Variants in STC2 observed in about 807,000 individuals in gnomAD.
The protein encoded by STC2 is stanniocalcin-2.
Under a neutral mutation model 22.7 loss-of-function variants are expected in STC2, and 7 were observed. The ratio of observed to expected loss-of-function variants is 0.31; its 90% CI spans 0.18 to 0.58. STC2 has a LOEUF of 0.58. Ranked by LOEUF, STC2 falls within the 20% of genes least tolerant of loss-of-function variation. STC2 has a pLI of 0.89. For synonymous variants in STC2, 158 were observed against 163.4 expected (o/e 0.97, Z 0.25); for missense variants, 336 against 406.2 (o/e 0.83, Z 1.48).
rs368971699 is a variant in STC2, at chr5:173,323,178, G to A, written c.506+41C>T. On this transcript the variant is annotated intron_variant, in intron 3 of 3. Coordinates refer to ENST00000265087, the MANE Select transcript of STC2 (RefSeq NM_003714.3). This position sits in a 1 kb window ranked among gnomAD's most constrained non-coding sequence, Gnocchi z 5.4. ...CCCATACACATTGCCATCCTTGCTG[G>A]GTGGCCCCTTCACCCAGGCCCTCTG... is the stretch of plus-strand genomic sequence containing the variant. 378 of 1,601,716 alleles carry A rather than the reference G, an allele frequency of 2.4e-4. No individual in the cohort carries two copies. The African/African-American group carries it at 4.5e-3, about 19-fold the overall frequency.
intron 3 of STC2, among the ~76,000 whole-genome samples, chr5:173,319,196 G>C (rs1561642891): frequency 6.6e-6 from 1 of 152,194 alleles, no homozygotes. Context: ...CCAGGGGGTG[G>C]ACAAGGTGTG....
At chr5:173,319,186 C>A (rs931926124) in intron 3 of STC2, among the ~76,000 whole-genome samples, 1 of 152,182 alleles carries the variant, frequency 6.6e-6, no homozygotes. Flanking sequence ...ATAATTTACT[C>A]CAGGGGGTGG....
chr5:173,326,000 C>G lies in STC2; in HGVS notation c.162G>C (p.Gln54His), dbSNP rs1237426438. Residue 54 changes from glutamine to histidine, a missense_variant, in exon 2 of 4, where the codon CAG becomes CAC. By Grantham distance (24) the Gln-to-His change is conservative. Around this residue, in one of 3 missense-constraint regions of STC2, gnomAD observed 99 missense variants for 122.7 expected, o/e 0.81. Transcript: ENST00000265087. This position sits in a 1 kb window ranked among gnomAD's most constrained non-coding sequence, Gnocchi z 4.7. ...RLSLQNTAEI[Q>H]HCLVNAGDVG... Reference sequence around the variant, plus strand: ...CATCGCCAGCGTTGACCAAACAGTGCTGGATCTCCGCTAAAAGGAAAATCA... The same window carrying G: ...CATCGCCAGCGTTGACCAAACAGTGGTGGATCTCCGCTAAAAGGAAAATCA... 3.1e-6 allele frequency: 5 copies of G among 1,614,132 alleles called. No individual in the cohort carries two copies. Among genetic ancestry groups the G allele is most frequent in the Non-Finnish European group, 3.4e-6 (4 of 1,179,996 alleles).
intron 1 of STC2, among the ~76,000 whole-genome samples, chr5:173,327,625 C>T (rs1031105594): frequency 2.0e-5 from 3 of 152,264 alleles, no homozygotes; most frequent in Non-Finnish European, 4.4e-5. Flanking sequence ...CTGAGGCCGG[C>T]AGGCCAGGAA....
chr5:173,322,146 C>T (rs1345643550), intron 3 of STC2, among the ~76,000 whole-genome samples: 1 of 152,136 alleles, frequency 6.6e-6, no homozygotes, highest in Admixed American at 6.5e-5. Context: ...AACTGAGGAT[C>T]AAGAGTTCAT....
At position 173,318,738 on chromosome 5, in the gene STC2, G is replaced by A. The variant is rs537282641; in HGVS notation, c.507-489C>T. On this transcript the variant is annotated intron_variant, in intron 3 of 3. Transcript: ENST00000265087. The stretch of plus-strand genomic sequence containing the variant: ...TGGTAGGGAAGAGGAAACCATGAAG[G>A]TTTAGGACCACGTGCCCTCTATGAG... Among the ~76,000 whole-genome samples, 4 of 152,284 alleles carry A rather than the reference G, an allele frequency of 2.6e-5. No individual in the cohort carries two copies. In the East Asian group the frequency reaches 7.7e-4, roughly 29 times the overall value.
At position 173,325,375 on chromosome 5, in the gene STC2, G is replaced by C. The variant is rs1446082219; in HGVS notation, c.294+493C>G. Among the ~76,000 whole-genome samples the C allele has an allele frequency of 1.3e-5, 2 of 152,208 alleles. No homozygotes were observed. Among genetic ancestry groups the C allele is most frequent in the Non-Finnish European group, 2.9e-5 (2 of 68,040 alleles). ...AGTGTGGAACTGAAGGACTCAATCA[G>C]GGTTTCGACCGGTCAGCTTGGGAGA... On this transcript the variant is annotated intron_variant, in intron 2 of 3. Coordinates refer to ENST00000265087, the MANE Select transcript of STC2 (RefSeq NM_003714.3). The surrounding 1 kb of genome is among the most constrained non-coding windows in gnomAD (Gnocchi z 4.7).
chr5:173,322,456 ATAAG>A, intron 3 of STC2, among the ~76,000 whole-genome samples: 1 of 152,374 alleles, frequency 6.6e-6, no homozygotes, highest in South Asian at 2.1e-4. Context: ...AAGTCTTGAA[ATAAG>A]TAAGTTCACA....
Position 173,328,300 on chromosome 5 carries a change from C to A in STC2, c.-107G>T. On this transcript the variant is annotated 5_prime_UTR_variant, in exon 1 of 4. In the 5' UTR this introduces an upstream ATG that the reference lacks. Coordinates refer to ENST00000265087, the MANE Select transcript of STC2 (RefSeq NM_003714.3). The stretch of plus-strand genomic sequence containing the variant: ...GCTTCCCCTCCTCCTCCCACTCTTC[C>A]TTTTTGCTCGCCTTTTCCCTCCTCC... The A allele has an allele frequency of 7.9e-7, 1 of 1,259,012 alleles. No homozygotes were observed. The highest frequency in any genetic ancestry group is 2.2e-5 in the South Asian group (1 of 44,980). 78.0% of individuals were successfully genotyped at this position (1,259,012 alleles called of 1,614,324 possible).
rs758506390 is a variant in STC2 at position 173,325,211 on chromosome 5, C to T, written c.294+657G>A. 1.1e-4 allele frequency among the ~76,000 whole-genome samples: 16 copies of T among 152,200 alleles called. No individual in the cohort carries two copies. Among genetic ancestry groups the T allele is most frequent in the Non-Finnish European group, 1.5e-4 (10 of 68,044 alleles). On this transcript the variant is annotated intron_variant, in intron 2 of 3. Transcript: ENST00000265087. The surrounding 1 kb of genome is among the most constrained non-coding windows in gnomAD (Gnocchi z 4.7). Reference sequence around the variant, plus strand: ...CACATGCCATCTAAAAATGTATTTGCGTTGTTGGCACTGGAGCCATATGTT... The same window carrying T: ...CACATGCCATCTAAAAATGTATTTGTGTTGTTGGCACTGGAGCCATATGTT...
At chr5:173,319,863 G>A (rs1361074875) in intron 3 of STC2, among the ~76,000 whole-genome samples, 1 of 152,178 alleles carries the variant, frequency 6.6e-6, no homozygotes, top group Non-Finnish European at 1.5e-5. Flanking sequence ...CATGGCCGCT[G>A]GGCAAAGGGC....
chr5:173,324,760 G>A (rs924803184), intron 2 of STC2, among the ~76,000 whole-genome samples: 2 of 152,240 alleles, frequency 1.3e-5, no homozygotes, highest in African/African-American at 4.8e-5. Flanking sequence ...ATTCTTCCCT[G>A]ACATCCTGTG....
rs1376966225 is a variant in STC2 at position 173,325,846 on chromosome 5, C to T, written c.294+22G>A. 3.1e-6 allele frequency: 5 copies of T among 1,613,938 alleles called. No individual in the cohort carries two copies. The highest frequency in any genetic ancestry group is 4.5e-5 in the East Asian group (2 of 44,880). ...ATGTATGCTCACCCCAAACATTCTT[C>T]ATGCTCTGGATGGATTTTTACCTGG... On this transcript the variant is annotated intron_variant, in intron 2 of 3. Transcript: ENST00000265087. This position sits in a 1 kb window ranked among gnomAD's most constrained non-coding sequence, Gnocchi z 4.7.
intron 3 of STC2, among the ~76,000 whole-genome samples, chr5:173,321,400 G>A (rs141462182): frequency 2.4e-4 from 37 of 152,348 alleles, no homozygotes; most frequent in African/African-American, 8.9e-4. Context: ...GACAGGGCTA[G>A]AGGCGAGTGA....
In STC2 at chr5:173,325,459, C is replaced by T. The variant is rs528506199; in HGVS notation, c.294+409G>A. On this transcript the variant is annotated intron_variant, in intron 2 of 3. Coordinates refer to ENST00000265087, the MANE Select transcript of STC2 (RefSeq NM_003714.3). The surrounding 1 kb of genome is among the most constrained non-coding windows in gnomAD (Gnocchi z 4.7). ...GCTCTTTTGGAGGTCCTGAGTTATTCGGGTTGGCTGCCCACACACCACATG... is the reference window on the plus strand; with the variant it reads ...GCTCTTTTGGAGGTCCTGAGTTATTTGGGTTGGCTGCCCACACACCACATG... 3.6e-4 allele frequency among the ~76,000 whole-genome samples: 55 copies of T among 152,300 alleles called. No individual in the cohort carries two copies. Among genetic ancestry groups the T allele is most frequent in the South Asian group, 1.2e-3 (6 of 4,812 alleles).
intron 3 of STC2, among the ~76,000 whole-genome samples, chr5:173,318,581 C>G (rs1762453556): frequency 6.6e-6 from 1 of 152,132 alleles, no homozygotes. Context: ...GGCAGGAGAG[C>G]TCTGGGTGCC....
In STC2 at chr5:173,328,396, C is replaced by A; in HGVS notation, c.-203G>T. On this transcript the variant is annotated 5_prime_UTR_variant, in exon 1 of 4. Transcript: ENST00000265087. Reference sequence around the variant, plus strand: ...CTCTCCGGAGAGCATGTGACCAGGCCGTTAGCAGCGCCGCGAGTGCCCGGC... The same window carrying A: ...CTCTCCGGAGAGCATGTGACCAGGCAGTTAGCAGCGCCGCGAGTGCCCGGC... The A allele has an allele frequency of 2.3e-6, 1 of 443,200 alleles. No individual in the cohort carries two copies. The highest frequency in any genetic ancestry group is 3.5e-5 in the East Asian group (1 of 28,190). 27.5% of individuals were successfully genotyped at this position (443,200 alleles called of 1,614,324 possible). A position where few individuals can be genotyped will look rare whatever the true frequency, so the allele number is the denominator to read the frequency against.
In STC2 at chr5:173,321,141, T is replaced by C. The variant is rs1328760457; in HGVS notation, c.506+2078A>G. ...TGGGGGGTCATAGGCTCATTCTGAA[T>C]GGTGTGAGGAGACCATGGCCCCGAG... On this transcript the variant is annotated intron_variant, in intron 3 of 3. Coordinates refer to ENST00000265087, the MANE Select transcript of STC2 (RefSeq NM_003714.3). 2.0e-5 allele frequency among the ~76,000 whole-genome samples: 3 copies of C among 149,324 alleles called. No homozygotes were observed. The East Asian group carries it at 6.0e-4, about 30-fold the overall frequency.
rs1308463799 is a variant in STC2 at position 173,317,612 on chromosome 5, G to C, written c.*235C>G. 2.5e-6 allele frequency: 1 copy of C among 402,652 alleles called. No individual in the cohort carries two copies. Among genetic ancestry groups the C allele is most frequent in the South Asian group, 7.9e-5 (1 of 12,590 alleles). The allele number at this position is 402,652 out of a possible 1,614,324, so 24.9% of individuals were successfully genotyped here. On this transcript the variant is annotated 3_prime_UTR_variant, in exon 4 of 4. Coordinates refer to ENST00000265087, the MANE Select transcript of STC2 (RefSeq NM_003714.3). ...ACAAAGGTACGAGGATAACGCGGGC[G>C]CGCTCCCTTGAGTACGTGTAAGTGC... is the stretch of plus-strand genomic sequence containing the variant.
Sources: allele counts gnomAD v4.1 joint callset (sites outside exome capture counted in the v4.1 genomes callset), GRCh38; gene constraint gnomAD v4.1.1; regional missense constraint gnomAD v4.1.1; non-coding constraint Gnocchi (gnomAD v3.1); transcripts MANE v1.5; gene names NCBI Gene and HGNC (gene_info 2026-07-23, HGNC 2026-07-21).